ST3GAL1: variants seen among roughly 807,000 people sequenced by gnomAD.
The protein encoded by ST3GAL1 is ST3 beta-galactoside alpha-2,3-sialyltransferase 1.
A neutral mutation model predicts 34.1 loss-of-function variants in ST3GAL1; 16 were observed. That is an observed-to-expected ratio of 0.47 (90% CI 0.32 to 0.71). The LOEUF is 0.71. Ranked by LOEUF, ST3GAL1 falls within the 30% of genes least tolerant of loss-of-function variation. The probability of loss-of-function intolerance (pLI) is 0.04; values close to 1 mark genes in which losing one functional copy is unlikely to be tolerated. For missense variants in ST3GAL1, 353 were observed against 447.4 expected (o/e 0.79, Z 1.90); for synonymous variants, 191 against 184.7 (o/e 1.03, Z -0.28).
chr8:133,563,627 A>T (rs1819308996), intron 1 of ST3GAL1, among the ~76,000 whole-genome samples: 2 of 152,190 alleles, frequency 1.3e-5, no homozygotes, highest in Admixed American at 1.3e-4. Context: ...CAGCATTCAC[A>T]CTGTAGTCCA....
In ST3GAL1 at chr8:133,523,488, G is replaced by T. The variant is rs917685005; in HGVS notation, c.-429+22286C>A. On this transcript the variant is annotated intron_variant, in intron 2 of 9. Transcript: ENST00000522652. Reference sequence around the variant, plus strand: ...TTTCCTCCTCTGTAAAGTGAAGATGGTGATGCTTAAAGTGGCAGCTACTTC... The same window carrying T: ...TTTCCTCCTCTGTAAAGTGAAGATGTTGATGCTTAAAGTGGCAGCTACTTC... Among the ~76,000 whole-genome samples, 6 of 152,316 alleles carry T rather than the reference G, an allele frequency of 3.9e-5. No individual in the cohort carries two copies. The East Asian group carries it at 1.2e-3, about 29-fold the overall frequency.
Position 133,461,747 on chromosome 8 carries a change from A to C in ST3GAL1, c.849+128T>G. On this transcript the variant is annotated intron_variant, in intron 9 of 9. Coordinates refer to ENST00000522652, the MANE Select transcript of ST3GAL1 (RefSeq NM_173344.3). This position sits in a 1 kb window ranked among gnomAD's most constrained non-coding sequence, Gnocchi z 4.7. ...ACACATGTTGCAAGTCCTGTCGTAG[A>C]GACAGGGAATCCGAGCTTCCGGAAG... The C allele has an allele frequency of 7.5e-7, 1 of 1,331,700 alleles. No individual in the cohort carries two copies. The allele number at this position is 1,331,700 out of a possible 1,614,324, so 82.5% of individuals were successfully genotyped here. A position where few individuals can be genotyped will look rare whatever the true frequency, so the allele number is the denominator to read the frequency against.
intron 1 of ST3GAL1, among the ~76,000 whole-genome samples, chr8:133,553,974 G>C (rs1220515360): frequency 6.6e-6 from 1 of 152,158 alleles, no homozygotes; most frequent in African/African-American, 2.4e-5. Context: ...AGAGTACAGG[G>C]AGGTGTCCGG....
rs1349140857 is a variant in ST3GAL1, at chr8:133,476,491, A to T, written c.-264T>A. The T allele has an allele frequency of 6.5e-6, 1 of 153,510 alleles. No homozygotes were observed. Among genetic ancestry groups the T allele is most frequent in the Non-Finnish European group, 1.4e-5 (1 of 69,016 alleles). 9.5% of individuals were successfully genotyped at this position (153,510 alleles called of 1,614,324 possible). A position where few individuals can be genotyped will look rare whatever the true frequency, so the allele number is the denominator to read the frequency against. On this transcript the variant is annotated 5_prime_UTR_variant, in exon 4 of 10. The change creates a new upstream start codon in the 5' untranslated region. Transcript: ENST00000522652. ...AAACTGTCTCTGCCGTCCTCCTCCAACTGTGGTTTCTGACGATCCTTAATT... is the reference window on the plus strand; with the variant it reads ...AAACTGTCTCTGCCGTCCTCCTCCATCTGTGGTTTCTGACGATCCTTAATT...
chr8:133,461,011 T>C lies in ST3GAL1; in HGVS notation c.849+864A>G, dbSNP rs2736865. On this transcript the variant is annotated intron_variant, in intron 9 of 9. Transcript: ENST00000522652. This position sits in a 1 kb window ranked among gnomAD's most constrained non-coding sequence, Gnocchi z 4.7. ...CGTTAGGGCCAAATCGGTGGGACGA[T>C]GGGAGAAAGGGCTCTTGAGCAGAAC... Among the ~76,000 whole-genome samples the C allele has an allele frequency of 0.48, 72,034 of 151,630 alleles. 17,483 individuals are homozygous for C. The highest frequency in any genetic ancestry group is 0.62 in the Admixed American group (9,475 of 15,272).
intron 2 of ST3GAL1, among the ~76,000 whole-genome samples, chr8:133,510,870 C>T (rs1405359173): frequency 1.3e-5 from 2 of 152,216 alleles, no homozygotes; most frequent in African/African-American, 4.8e-5. Context: ...GAGCAAACTC[C>T]ATCACAGGGG....
chr8:133,547,339 C>A (rs554015571), intron 1 of ST3GAL1, among the ~76,000 whole-genome samples: 1 of 152,152 alleles, frequency 6.6e-6, no homozygotes, highest in East Asian at 1.9e-4. Flanking sequence ...GGCATGACTA[C>A]CACTCACTGC....
intron 2 of ST3GAL1, among the ~76,000 whole-genome samples, chr8:133,530,809 G>A (rs753658379): frequency 3.9e-5 from 6 of 152,154 alleles, no homozygotes; most frequent in Middle Eastern, 3.2e-3. Context: ...GGCCAGCATC[G>A]TGGGTTCCTT....
At chr8:133,502,658 A>G (rs959222658) in intron 2 of ST3GAL1, among the ~76,000 whole-genome samples, 2 of 152,194 alleles carry the variant, frequency 1.3e-5, no homozygotes, top group African/African-American at 4.8e-5. Context: ...GTTCTAGCAA[A>G]TTAATGCAGG....
intron 2 of ST3GAL1, among the ~76,000 whole-genome samples, chr8:133,502,168 G>A (rs1259606704): frequency 6.6e-6 from 1 of 152,124 alleles, no homozygotes; most frequent in Non-Finnish European, 1.5e-5. Context: ...TATCCCTGGG[G>A]TACTAAGAGC....
At chr8:133,568,487 C>T (rs1819472809) in intron 1 of ST3GAL1, among the ~76,000 whole-genome samples, 2 of 152,234 alleles carry the variant, frequency 1.3e-5, no homozygotes, top group Non-Finnish European at 2.9e-5. Context: ...ACCGGGCCAG[C>T]TCTTCCATCA....
intron 7 of ST3GAL1, among the ~76,000 whole-genome samples, chr8:133,464,380 A>C (rs1815645653): frequency 6.6e-6 from 1 of 152,034 alleles, no homozygotes; most frequent in Non-Finnish European, 1.5e-5. Flanking sequence ...CCCACTCCTC[A>C]TTTCTTAGGA....
chr8:133,490,536 G>A (rs1447590851), intron 3 of ST3GAL1, among the ~76,000 whole-genome samples: 1 of 152,226 alleles, frequency 6.6e-6, no homozygotes, highest in African/African-American at 2.4e-5. Context: ...CAACCAAAGG[G>A]AGAGGGAAGG....
intron 2 of ST3GAL1, chr8:133,516,172 G>T: frequency 6.6e-6 from 1 of 152,242 alleles, no homozygotes; most frequent in Non-Finnish European, 1.5e-5. Flanking sequence ...TGCCTTTAAT[G>T]GGGGTAAGTC....
At chr8:133,476,232 G>T in intron 4 of ST3GAL1, 46 bp downstream of exon 4, 1 of 511,360 alleles carries the variant, frequency 2.0e-6, no homozygotes, top group Non-Finnish European at 3.4e-6. Flanking sequence ...CTGTGTGGTA[G>T]ACCAACGCCA....
intron 2 of ST3GAL1, among the ~76,000 whole-genome samples, chr8:133,510,000 A>G (rs1817460385): frequency 6.6e-6 from 1 of 151,210 alleles, no homozygotes; most frequent in Non-Finnish European, 1.5e-5. Flanking sequence ...CAGAGGTTGC[A>G]GTGAGCCAAG....
In ST3GAL1 at chr8:133,556,311, A is replaced by G. The variant is rs1819019693; in HGVS notation, c.-581-10385T>C. On this transcript the variant is annotated intron_variant, in intron 1 of 9. Transcript: ENST00000522652. The surrounding 1 kb of genome is among the most constrained non-coding windows in gnomAD (Gnocchi z 8.9). ...GAAGTCACTTGCCCCAGATCTCACC[A>G]CTGATCAACAGCAGGCCTGGTGACT... Among the ~76,000 whole-genome samples the G allele has an allele frequency of 6.6e-6, 1 of 152,116 alleles. No homozygotes were observed. The highest frequency in any genetic ancestry group is 2.4e-5 in the African/African-American group (1 of 41,412).
chr8:133,525,672 C>T (rs1255817810), intron 2 of ST3GAL1, among the ~76,000 whole-genome samples: 4 of 152,300 alleles, frequency 2.6e-5, no homozygotes, highest in Non-Finnish European at 5.9e-5. Flanking sequence ...GGCTTCCCTC[C>T]TGTGCCTGTC....
chr8:133,483,304 T>A (rs1020505945), intron 3 of ST3GAL1, among the ~76,000 whole-genome samples: 1 of 152,176 alleles, frequency 6.6e-6, no homozygotes. Flanking sequence ...ATTGCACCAC[T>A]GCACTCCCGC....
Sources: gnomAD v4.1 joint callset for allele counts (sites outside exome capture counted in the v4.1 genomes callset) on GRCh38, gnomAD v4.1.1 for gene constraint, Gnocchi (gnomAD v3.1) non-coding constraint, MANE v1.5 for transcripts, NCBI Gene and HGNC (gene_info 2026-07-23, HGNC 2026-07-21) for gene names.